Variants in ATP2B2 observed in about 807,000 individuals in gnomAD.
ATP2B2 encodes plasma membrane calcium-transporting ATPase 2.
A neutral mutation model predicts 120.0 loss-of-function variants in ATP2B2; 15 were observed. The observed-to-expected ratio is 0.12, with a 90% CI of 0.08 to 0.19. ATP2B2 has a LOEUF of 0.19. ATP2B2 is among the 10% of genes least tolerant of loss of function. The pLI is 1.00. For missense variants in ATP2B2, 1,045 were observed against 1,719.8 expected (o/e 0.61, Z 6.94); for synonymous variants, 694 against 700.3 (o/e 0.99, Z 0.14).
At chr3:10,534,320 C>G (rs1407057842) in intron 2 of ATP2B2, among the ~76,000 whole-genome samples, 1 of 152,232 alleles carries the variant, frequency 6.6e-6, no homozygotes. Context: ...GGGCTTTGCC[C>G]CTCCTGGGTC....
At chr3:10,390,113 G>A (rs1260043271) in intron 5 of ATP2B2, among the ~76,000 whole-genome samples, 3 of 152,270 alleles carry the variant, frequency 2.0e-5, no homozygotes, top group African/African-American at 7.2e-5. Flanking sequence ...TGGCCTGGCT[G>A]GACAGTGTCA....
At chr3:10,511,266 G>A (rs56243119) in intron 3 of ATP2B2, among the ~76,000 whole-genome samples, 22,309 of 151,676 alleles carry the variant, frequency 0.15, 2,955 homozygotes, top group African/African-American at 0.35. Context: ...TTTTCCCTCC[G>A]TCCCCCTTTT....
chr3:10,704,416 G>C (rs1436002196), intron 1 of ATP2B2, among the ~76,000 whole-genome samples: 2 of 152,080 alleles, frequency 1.3e-5, no homozygotes, highest in African/African-American at 2.4e-5. Context: ...CTCCTTCCAA[G>C]TATCAGCTAC....
intron 2 of ATP2B2, among the ~76,000 whole-genome samples, chr3:10,548,237 C>T (rs968194474): frequency 6.6e-6 from 1 of 152,254 alleles, no homozygotes; most frequent in African/African-American, 2.4e-5. Flanking sequence ...ATTCTCCAAG[C>T]TATATAGAAA....
intron 1 of ATP2B2, among the ~76,000 whole-genome samples, chr3:10,499,586 G>A (rs946362204): frequency 2.6e-5 from 4 of 152,178 alleles, no homozygotes; most frequent in Non-Finnish European, 5.9e-5. Context: ...CCTATTCTCC[G>A]GAAGAGCACA....
chr3:10,599,692 CG>C (rs2068852746), intron 2 of ATP2B2, among the ~76,000 whole-genome samples: 1 of 151,558 alleles, frequency 6.6e-6, no homozygotes, highest in Non-Finnish European at 1.5e-5. Flanking sequence ...TTTGCCCCCA[CG>C]TATTACCTAA....
chr3:10,338,261 T>C lies in ATP2B2; in HGVS notation c.3335A>G (p.Asp1112Gly). 6.2e-7 allele frequency: 1 copy of C among 1,614,076 alleles called. No individual in the cohort carries two copies. The highest frequency in any genetic ancestry group is 8.5e-7 in the Non-Finnish European group (1 of 1,179,954). ...EEIPEEELNE[D>G]VEEIDHAERE... Reference sequence around the variant, plus strand: ...CTCCGCGTGGTCGATCTCCTCCACGTCCTCGTTGAGCTCCTCCTCCGGGAT... The same window carrying C: ...CTCCGCGTGGTCGATCTCCTCCACGCCCTCGTTGAGCTCCTCCTCCGGGAT... Residue 1112 changes from aspartate (D) to glycine (G), a missense_variant, in exon 22 of 23, where the codon GAC becomes GGC. By Grantham distance (94) the Asp-to-Gly change is moderately conservative. Around this residue, in one of 11 missense-constraint regions of ATP2B2, gnomAD observed 211 missense variants for 385.1 expected, o/e 0.55. Transcript: ENST00000360273.
intron 11 of ATP2B2, among the ~76,000 whole-genome samples, chr3:10,374,012 C>T (rs1219095314): frequency 6.6e-6 from 1 of 152,164 alleles, no homozygotes; most frequent in Non-Finnish European, 1.5e-5. Flanking sequence ...CAGTCTGCCT[C>T]TCCTGTGTTG....
chr3:10,463,060 C>G (rs1045172743), intron 1 of ATP2B2, among the ~76,000 whole-genome samples: 37 of 152,196 alleles, frequency 2.4e-4, no homozygotes, highest in Non-Finnish European at 8.8e-5. Context: ...TTAATCCAAA[C>G]CTCACTCTCC....
intron 1 of ATP2B2, among the ~76,000 whole-genome samples, chr3:10,502,165 T>C (rs1233384240): frequency 6.6e-6 from 1 of 152,190 alleles, no homozygotes; most frequent in East Asian, 1.9e-4. Context: ...ATTTCTTTCC[T>C]TTTTTCCCTT....
At chr3:10,406,893 C>T (rs1409269405) in intron 3 of ATP2B2, among the ~76,000 whole-genome samples, 1 of 152,210 alleles carries the variant, frequency 6.6e-6, no homozygotes, top group East Asian at 1.9e-4. Flanking sequence ...AACCCACATC[C>T]CACTGGGTCC....
At chr3:10,455,151 T>C (rs1015515424) in intron 1 of ATP2B2, among the ~76,000 whole-genome samples, 1 of 152,196 alleles carries the variant, frequency 6.6e-6, no homozygotes, top group Non-Finnish European at 1.5e-5. Flanking sequence ...TGCTCATCTG[T>C]AAGATGGGCT....
intron 13 of ATP2B2, 43 bp from the exon 14 acceptor site, chr3:10,358,968 C>T (rs1281980295): frequency 6.3e-7 from 1 of 1,592,956 alleles, no homozygotes; most frequent in Non-Finnish European, 8.6e-7. Context: ...AGGGAATGCT[C>T]CTTCTGAAAG....
chr3:10,622,615 C>G (rs1322417601), intron 1 of ATP2B2, among the ~76,000 whole-genome samples: 3 of 152,132 alleles, frequency 2.0e-5, no homozygotes, highest in Non-Finnish European at 4.4e-5. Context: ...CTGAAGCCAT[C>G]CCAGCTGTTG....
chr3:10,684,824 T>A (rs1310880734), intron 1 of ATP2B2, among the ~76,000 whole-genome samples: 1 of 152,198 alleles, frequency 6.6e-6, no homozygotes, highest in Non-Finnish European at 1.5e-5. Context: ...CCAAGGGTGA[T>A]CTTTGCCAAT....
At chr3:10,606,925 AGAGAGAGAGAGAGGGAGAGGGAGAGGGG>A (rs1427031180) in intron 2 of ATP2B2, among the ~76,000 whole-genome samples, 2 of 72,058 alleles carry the variant, frequency 2.8e-5, no homozygotes, top group Admixed American at 1.5e-4. Flanking sequence ...AGAGAGAGAG[AGAGAGAGAGAGAGGGAGAGGGAGAGGGG>A]GAGGGGGGGA....
chr3:10,527,863 G>A (rs775405626), intron 3 of ATP2B2, among the ~76,000 whole-genome samples: 11 of 151,950 alleles, frequency 7.2e-5, no homozygotes, highest in African/African-American at 1.2e-4. Flanking sequence ...AGTCTGCAGC[G>A]TATGGCCACA....
At chr3:10,407,700 C>T (rs1475078680) in intron 3 of ATP2B2, among the ~76,000 whole-genome samples, 47 of 152,168 alleles carry the variant, frequency 3.1e-4, no homozygotes, top group East Asian at 1.9e-4. Flanking sequence ...TCCACCCCTG[C>T]GTTGCTGTAG....
intron 2 of ATP2B2, among the ~76,000 whole-genome samples, chr3:10,567,377 C>T (rs2068031962): frequency 6.6e-6 from 1 of 152,210 alleles, no homozygotes; most frequent in South Asian, 2.1e-4. Context: ...GATAATGTCT[C>T]CTGTGTTAGG....
Sources: allele counts gnomAD v4.1 joint callset (sites outside exome capture counted in the v4.1 genomes callset), GRCh38; gene constraint gnomAD v4.1.1; regional missense constraint gnomAD v4.1.1; transcripts MANE v1.5; gene names NCBI Gene and HGNC (gene_info 2026-07-23, HGNC 2026-07-21).